The following IMMP2L variants were observed in gnomAD, a reference collection of about 807,000 sequenced individuals.
The protein encoded by IMMP2L is inner mitochondrial membrane peptidase subunit 2.
IMMP2L carries 18 observed loss-of-function variants against 19.3 expected under a neutral mutation model. The ratio of observed to expected loss-of-function variants is 0.93; its 90% CI spans 0.64 to 1.38. The LOEUF is 1.38. Among genes scored for constraint, IMMP2L ranks in the 40% most tolerant of loss-of-function variants. The pLI is 0.00. For missense variants in IMMP2L, 233 were observed against 218.2 expected (o/e 1.07, Z -0.43); for synonymous variants, 76 against 73.0 (o/e 1.04, Z -0.21).
intron 5 of IMMP2L, among the ~76,000 whole-genome samples, chr7:110,673,539 G>A (rs1349383118): frequency 6.6e-6 from 1 of 152,164 alleles, no homozygotes; most frequent in African/African-American, 2.4e-5. Flanking sequence ...GCATCATCAG[G>A]CTGCAAATTC....
chr7:111,525,337 C>A (rs991551800), intron 1 of IMMP2L, among the ~76,000 whole-genome samples: 1 of 152,004 alleles, frequency 6.6e-6, no homozygotes, highest in Non-Finnish European at 1.5e-5. Flanking sequence ...TGGAAGAGCA[C>A]AGTGGGACAT....
At chr7:111,031,120 G>C (rs957043477) in intron 3 of IMMP2L, among the ~76,000 whole-genome samples, 1 of 151,686 alleles carries the variant, frequency 6.6e-6, no homozygotes, top group African/African-American at 2.4e-5. Flanking sequence ...ATTACATATA[G>C]TAATGTTTAT....
chr7:111,453,750 T>C (rs188061039), intron 3 of IMMP2L, among the ~76,000 whole-genome samples: 29 of 152,238 alleles, frequency 1.9e-4, no homozygotes, highest in African/African-American at 7.0e-4. Flanking sequence ...CAAGAATCAC[T>C]CTAACACGGC....
chr7:111,095,161 G>A (rs1797272216), intron 3 of IMMP2L, among the ~76,000 whole-genome samples: 1 of 151,962 alleles, frequency 6.6e-6, no homozygotes, highest in African/African-American at 2.4e-5. Flanking sequence ...GGGGAGACAT[G>A]CTTTCATAGA....
chr7:110,679,510 A>G (rs1333435238), intron 5 of IMMP2L, among the ~76,000 whole-genome samples: 1 of 152,058 alleles, frequency 6.6e-6, no homozygotes, highest in African/African-American at 2.4e-5. Context: ...AAAGGCTTTA[A>G]TATTGATGAT....
chr7:110,674,691 G>A (rs1356919621), intron 5 of IMMP2L, among the ~76,000 whole-genome samples: 2 of 152,132 alleles, frequency 1.3e-5, no homozygotes, highest in African/African-American at 4.8e-5. Flanking sequence ...TCTAAAATAA[G>A]TACTGATTTC....
At chr7:111,421,384 C>G (rs1263992617) in intron 3 of IMMP2L, among the ~76,000 whole-genome samples, 1 of 150,668 alleles carries the variant, frequency 6.6e-6, no homozygotes, top group Non-Finnish European at 1.5e-5. Context: ...ATTCTCCTGC[C>G]TCAGCCTCCC....
In IMMP2L at chr7:111,192,966, AAT is replaced by A. The variant is rs540495461; in HGVS notation, c.240-229403_240-229402del. ...CCCCTGAGGAGAGTTTGAGTTGGGC[AAT>A]TGGGAAGTCCTTGGCAACCTGAGAC... On this transcript the variant is annotated intron_variant, in intron 3 of 5. Transcript: ENST00000405709. Among the ~76,000 whole-genome samples the A allele has an allele frequency of 1.8e-3, 269 of 152,200 alleles. 2 individuals carry two copies. Among genetic ancestry groups the A allele is most frequent in the African/African-American group, 6.2e-3 (256 of 41,512 alleles).
intron 4 of IMMP2L, among the ~76,000 whole-genome samples, chr7:110,942,976 CCACA>C (rs1242451925): frequency 1.3e-5 from 2 of 151,814 alleles, no homozygotes; most frequent in Non-Finnish European, 2.9e-5. Flanking sequence ...CATATATTGA[CCACA>C]CAATCTCTGA....
At chr7:110,787,499 C>A (rs958442348) in intron 5 of IMMP2L, among the ~76,000 whole-genome samples, 1 of 151,912 alleles carries the variant, frequency 6.6e-6, no homozygotes, top group Admixed American at 6.6e-5. Context: ...TTGCCAAGGA[C>A]AATCTTGGTA....
chr7:111,507,039 G>A (rs1242044025), intron 2 of IMMP2L, among the ~76,000 whole-genome samples: 3 of 151,492 alleles, frequency 2.0e-5, no homozygotes, highest in African/African-American at 7.3e-5. Flanking sequence ...ACAGAGTTTC[G>A]CCAGTTGCCC....
At chr7:111,193,292 C>A (rs1220495935) in intron 3 of IMMP2L, among the ~76,000 whole-genome samples, 1 of 152,074 alleles carries the variant, frequency 6.6e-6, no homozygotes, top group Non-Finnish European at 1.5e-5. Flanking sequence ...AAGGGCGTGG[C>A]AGAAGGTATG....
chr7:111,500,112 T>G (rs542879580), intron 2 of IMMP2L, among the ~76,000 whole-genome samples: 1 of 152,190 alleles, frequency 6.6e-6, no homozygotes, highest in South Asian at 2.1e-4. Flanking sequence ...ACCCTAATAC[T>G]GCGCTTTTCC....
intron 5 of IMMP2L, among the ~76,000 whole-genome samples, chr7:110,716,053 C>A (rs1358905914): frequency 6.6e-6 from 1 of 151,756 alleles, no homozygotes; most frequent in African/African-American, 2.4e-5. Flanking sequence ...CATTTAAAGT[C>A]TGTTTTATCT....
At chr7:111,290,868 A>C (rs896452831) in intron 3 of IMMP2L, among the ~76,000 whole-genome samples, 1 of 151,156 alleles carries the variant, frequency 6.6e-6, no homozygotes, top group African/African-American at 2.4e-5. Context: ...ATATATATAT[A>C]TCTAATTTTC....
chr7:111,503,736 T>C (rs1387732238), intron 2 of IMMP2L, among the ~76,000 whole-genome samples: 1 of 152,072 alleles, frequency 6.6e-6, no homozygotes, highest in Non-Finnish European at 1.5e-5. Context: ...ATTATCTCAA[T>C]AGATGCAGAA....
At chr7:110,950,861 T>C (rs920710274) in intron 4 of IMMP2L, among the ~76,000 whole-genome samples, 2 of 144,246 alleles carry the variant, frequency 1.4e-5, no homozygotes, top group African/African-American at 2.6e-5. Flanking sequence ...TATATATATA[T>C]ATATATATAT....
chr7:110,993,997 G>A (rs899192480), intron 3 of IMMP2L, among the ~76,000 whole-genome samples: 5 of 151,436 alleles, frequency 3.3e-5, no homozygotes, highest in African/African-American at 4.9e-5. Context: ...ATGTTAGAAC[G>A]TATCTTCTCT....
At chr7:111,039,308 G>C (rs1003798462) in intron 3 of IMMP2L, among the ~76,000 whole-genome samples, 1 of 152,174 alleles carries the variant, frequency 6.6e-6, no homozygotes, top group African/African-American at 2.4e-5. Flanking sequence ...AAAAAATATA[G>C]TGTGGTCTAT....
Sources: gnomAD v4.1 joint callset for allele counts (sites outside exome capture counted in the v4.1 genomes callset) on GRCh38, gnomAD v4.1.1 for gene constraint, MANE v1.5 for transcripts, NCBI Gene and HGNC (gene_info 2026-07-23, HGNC 2026-07-21) for gene names.